Variants in PDE1C observed in about 807,000 individuals in gnomAD.
PDE1C encodes the protein dual specificity calcium/calmodulin-dependent 3',5'-cyclic nucleotide phosphodiesterase 1C.
A neutral mutation model predicts 93.1 loss-of-function variants in PDE1C; 62 were observed. That is an observed-to-expected ratio of 0.67 (90% CI 0.54 to 0.82). The LOEUF is 0.82. PDE1C is among the 40% of genes least tolerant of loss of function. The pLI is 0.00. For missense variants in PDE1C, 742 were observed against 884.6 expected, an observed-to-expected ratio of 0.84 and a Z score of 2.04; for synonymous variants, 325 against 310.1, an observed-to-expected ratio of 1.05 and a Z score of -0.50.
chr7:32,400,668 C>A (rs1013169977), intron 1 of PDE1C, among the ~76,000 whole-genome samples: 6 of 152,226 alleles, frequency 3.9e-5, no homozygotes, highest in Non-Finnish European at 7.3e-5. Context: ...GTTTAAGGCT[C>A]TTCCCTGCTC....
At chr7:32,354,295 A>G (rs193259068) in intron 1 of PDE1C, among the ~76,000 whole-genome samples, 1 of 152,266 alleles carries the variant, frequency 6.6e-6, no homozygotes, top group Non-Finnish European at 1.5e-5. Context: ...GAATGCTATT[A>G]TCTAGTTGAC....
chr7:31,837,053 G>T, intron 11 of PDE1C, 127 bp downstream of exon 11: 1 of 818,322 alleles, frequency 1.2e-6, no homozygotes. Flanking sequence ...AAAATAATCT[G>T]TGGAGCCCCC....
intron 12 of PDE1C, among the ~76,000 whole-genome samples, chr7:31,826,422 T>C (rs1253066825): frequency 6.6e-6 from 1 of 152,190 alleles, no homozygotes; most frequent in African/African-American, 2.4e-5. Flanking sequence ...ATGTGTAGTA[T>C]GTATTGTGTA....
the PDE1C span, among the ~76,000 whole-genome samples, chr7:31,678,743 G>A: frequency 6.6e-6 from 1 of 152,146 alleles, no homozygotes; most frequent in East Asian, 1.9e-4. Context: ...AGAAAAGATA[G>A]GATTTAAGCC....
At chr7:31,885,554 G>A (rs778742709) in intron 2 of PDE1C, among the ~76,000 whole-genome samples, 8 of 152,220 alleles carry the variant, frequency 5.3e-5, no homozygotes, top group Non-Finnish European at 7.3e-5. Flanking sequence ...CTCAGATCCA[G>A]AGCGAGCCCT....
chr7:31,661,901 T>A, the PDE1C span, among the ~76,000 whole-genome samples: 11 of 152,166 alleles, frequency 7.2e-5, no homozygotes, highest in Non-Finnish European at 1.5e-4. Flanking sequence ...CCATTTTTCC[T>A]GAGCAATCGC....
At chr7:32,318,408 C>T (rs1197376423) in intron 1 of PDE1C, among the ~76,000 whole-genome samples, 2 of 152,220 alleles carry the variant, frequency 1.3e-5, no homozygotes, top group African/African-American at 4.8e-5. Flanking sequence ...AAAACACGGG[C>T]TCTTCCTGCC....
At chr7:32,239,141 C>T (rs1172994888) in intron 1 of PDE1C, among the ~76,000 whole-genome samples, 3 of 152,240 alleles carry the variant, frequency 2.0e-5, no homozygotes, top group South Asian at 2.1e-4. Flanking sequence ...GTGGAAGGAT[C>T]GCTTGTGCTC....
chr7:32,281,519 A>C (rs1229011891), intron 1 of PDE1C, among the ~76,000 whole-genome samples: 1 of 152,184 alleles, frequency 6.6e-6, no homozygotes, highest in Admixed American at 6.5e-5. Context: ...CAGGAGTTCA[A>C]GGCTGCAGTG....
chr7:32,070,217 G>A, intron 1 of PDE1C, 76 bp downstream of exon 1: 6 of 1,601,172 alleles, frequency 3.7e-6, no homozygotes, highest in Non-Finnish European at 5.1e-6. Context: ...AGGGTGAGCA[G>A]TCGTGACTGC....
intron 16 of PDE1C, among the ~76,000 whole-genome samples, chr7:31,804,531 T>C (rs770332906): frequency 6.6e-5 from 10 of 151,882 alleles, no homozygotes; most frequent in South Asian, 2.1e-4. Context: ...CTGAAACCTA[T>C]ATGTATTACA....
At chr7:32,232,727 C>A (rs2128863572) in intron 1 of PDE1C, among the ~76,000 whole-genome samples, 1 of 152,286 alleles carries the variant, frequency 6.6e-6, no homozygotes, top group East Asian at 1.9e-4. Flanking sequence ...ATACCATAGG[C>A]TTTATGAACT....
chr7:31,911,592 C>T (rs1801256348), intron 2 of PDE1C, among the ~76,000 whole-genome samples: 1 of 152,178 alleles, frequency 6.6e-6, no homozygotes, highest in Non-Finnish European at 1.5e-5. Flanking sequence ...CACTTCTGCC[C>T]ATCACATGAG....
chr7:32,114,336 A>G (rs548737536), intron 3 of PDE1C, among the ~76,000 whole-genome samples: 9 of 152,302 alleles, frequency 5.9e-5, no homozygotes, highest in South Asian at 2.1e-4. Context: ...CAACCATCTG[A>G]TCTTTGACAA....
the PDE1C span, chr7:31,643,270 C>G: frequency 6.2e-7 from 1 of 1,613,812 alleles, no homozygotes; most frequent in Non-Finnish European, 8.5e-7. Flanking sequence ...CCACAGCTTA[C>G]TCGTACCAGA....
At chr7:31,687,830 G>C in the PDE1C span, among the ~76,000 whole-genome samples, 1 of 152,220 alleles carries the variant, frequency 6.6e-6, no homozygotes, top group African/African-American at 2.4e-5. Flanking sequence ...CACATAGGCT[G>C]TGGATACAAC....
At chr7:31,859,686 T>C (rs1794449001) in intron 7 of PDE1C, among the ~76,000 whole-genome samples, 1 of 151,990 alleles carries the variant, frequency 6.6e-6, no homozygotes, top group Non-Finnish European at 1.5e-5. Context: ...CCACTAGTGT[T>C]AACAAACAAA....
intron 1 of PDE1C, among the ~76,000 whole-genome samples, chr7:32,389,191 G>GT (rs774110656): frequency 2.7e-4 from 4 of 15,040 alleles, no homozygotes; most frequent in African/African-American, 8.7e-4. Flanking sequence ...TGTGTGTGTG[G>GT]TTTTTTTGGT....
At chr7:31,882,537 G>A (rs531744510) in intron 2 of PDE1C, among the ~76,000 whole-genome samples, 18 of 152,240 alleles carry the variant, frequency 1.2e-4, no homozygotes, top group African/African-American at 4.1e-4. Context: ...TATCCCCTAG[G>A]CTGTTTGGAC....
Sources: allele counts gnomAD v4.1 joint callset (sites outside exome capture counted in the v4.1 genomes callset), GRCh38; gene constraint gnomAD v4.1.1; transcripts MANE v1.5; gene names NCBI Gene and HGNC (gene_info 2026-07-23, HGNC 2026-07-21).